Variants in SH3TC2 observed in about 807,000 individuals in gnomAD.
SH3TC2 encodes SH3 domain and tetratricopeptide repeats 2, also known as SH3 domain and tetratricopeptide repeat-containing protein 2.
SH3TC2 carries 87 observed loss-of-function variants against 124.5 expected under a neutral mutation model. The observed-to-expected ratio is 0.70, with a 90% CI of 0.59 to 0.84. SH3TC2 has a LOEUF of 0.84. Ranked by LOEUF, SH3TC2 falls within the 40% of genes least tolerant of loss-of-function variation. The pLI is 0.00. For missense variants in SH3TC2, 1,536 were observed against 1,566.4 expected (o/e 0.98, Z 0.33); for synonymous variants, 634 against 628.5 (o/e 1.01, Z -0.13).
At position 149,000,996 on chromosome 5, in the gene SH3TC2, C is replaced by T. The variant is rs1217910608; in HGVS notation, c.*3715G>A. 6.6e-6 allele frequency among the ~76,000 whole-genome samples: 1 copy of T among 151,988 alleles called. No homozygotes were observed. Among genetic ancestry groups the T allele is most frequent in the African/African-American group, 2.4e-5 (1 of 41,370 alleles). On this transcript the variant is annotated 3_prime_UTR_variant, in exon 17 of 17. Coordinates refer to ENST00000515425, the MANE Select transcript of SH3TC2 (RefSeq NM_024577.4). ...GATGTGTAGAGGTTAAGTGACTTGC[C>T]CAAGGTCGCACTGCAATTTAATATC...
rs1561752844 is a variant in SH3TC2 at position 148,996,386 on chromosome 5, C to CT, written c.*8324dup. 6.6e-6 allele frequency among the ~76,000 whole-genome samples: 1 copy of CT among 152,158 alleles called. No homozygotes were observed. The highest frequency in any genetic ancestry group is 1.5e-5 in the Non-Finnish European group (1 of 68,034). Reference sequence around the variant, plus strand: ...TATCAGTTTATATAAGCTCTTAGGACTGTAAAACAACCGGAAATGAAAATC... The same window carrying CT: ...TATCAGTTTATATAAGCTCTTAGGACTTGTAAAACAACCGGAAATGAAAATC... On this transcript the variant is annotated 3_prime_UTR_variant, in exon 17 of 17. Transcript: ENST00000515425.
In SH3TC2 at chr5:148,987,674, C is replaced by A. The variant is rs560441520; in HGVS notation, c.*17037G>T. Among the ~76,000 whole-genome samples the A allele has an allele frequency of 1.3e-5, 2 of 152,138 alleles. No individual in the cohort carries two copies. The highest frequency in any genetic ancestry group is 6.5e-5 in the Admixed American group (1 of 15,284). On this transcript the variant is annotated 3_prime_UTR_variant, in exon 17 of 17. Transcript: ENST00000515425. Reference sequence around the variant, plus strand: ...ACAGAAACAAAGGGAAACCTTATAACGAGTGTGGTGGAGTGATTCAGTGAA... The same window carrying A: ...ACAGAAACAAAGGGAAACCTTATAAAGAGTGTGGTGGAGTGATTCAGTGAA...
At chr5:149,052,841 C>T (rs142813114) in intron 1 of SH3TC2, among the ~76,000 whole-genome samples, 97 of 152,222 alleles carry the variant, frequency 6.4e-4, no homozygotes, top group African/African-American at 2.3e-3. Context: ...GAGGAGGAAA[C>T]TTTGATAGCA....
rs1753498284 is a variant in SH3TC2, at chr5:148,995,676, T to C, written c.*9035A>G. The stretch of plus-strand genomic sequence containing the variant: ...AACCCAAGTCCAACATTTCATTCCT[T>C]TATTTTTTTATTCACCCATTCAACA... On this transcript the variant is annotated 3_prime_UTR_variant, in exon 17 of 17. Transcript: ENST00000515425. Among the ~76,000 whole-genome samples the C allele has an allele frequency of 1.3e-5, 2 of 152,198 alleles. No individual in the cohort carries two copies. The highest frequency in any genetic ancestry group is 2.9e-5 in the Non-Finnish European group (2 of 68,032).
At position 148,986,012 on chromosome 5, in the gene SH3TC2, A is replaced by C. The variant is rs117371981; in HGVS notation, c.*18699T>G. On this transcript the variant is annotated 3_prime_UTR_variant, in exon 17 of 17. Coordinates refer to ENST00000515425, the MANE Select transcript of SH3TC2 (RefSeq NM_024577.4). ...TCATCTCTAGGGTGATTTTTGAAAA[A>C]CACATAAATGCAGAATCTTGGTGTT... 1.2e-3 allele frequency among the ~76,000 whole-genome samples: 178 copies of C among 152,292 alleles called. 3 individuals are homozygous for C. In the East Asian group the frequency reaches 0.019, roughly 16 times the overall value.
chr5:149,027,459 G>T lies in SH3TC2; in HGVS notation c.2273C>A (p.Ala758Asp), dbSNP rs200006756. 61 of 1,614,070 alleles carry T rather than the reference G, an allele frequency of 3.8e-5. No individual in the cohort carries two copies. The highest frequency in any genetic ancestry group is 5.2e-5 in the Non-Finnish European group (61 of 1,180,042). Residue 758 changes from alanine (A) to aspartate (D), a missense_variant, in exon 11 of 17, where the codon GCC becomes GAC. Coordinates refer to ENST00000515425, the MANE Select transcript of SH3TC2 (RefSeq NM_024577.4). ...CACTTTGGAAAGGATGAGACACAGGGCCCTCTGGGTGCTCCGGTCTGCTAG... is the reference window on the plus strand; with the variant it reads ...CACTTTGGAAAGGATGAGACACAGGTCCCTCTGGGTGCTCCGGTCTGCTAG... The part of the protein sequence containing the change: ...EELADRSTQR[A>D]LCLILSKVYL...
chr5:149,009,097 A>G (rs1289360643), intron 14 of SH3TC2, 96 bp from the exon 15 acceptor site: 15 of 1,455,516 alleles, frequency 1.0e-5, no homozygotes, highest in Non-Finnish European at 1.4e-5. Flanking sequence ...GGGTTGGGGA[A>G]CGGCAGTGGA....
At chr5:149,006,395 C>T (rs1044454698) in intron 16 of SH3TC2, 1 of 192,198 alleles carries the variant, frequency 5.2e-6, no homozygotes, top group Non-Finnish European at 1.1e-5. Flanking sequence ...TTAATATGCA[C>T]CCACATTTCT....
At chr5:149,050,462 A>G (rs1313666118) in intron 2 of SH3TC2, among the ~76,000 whole-genome samples, 1 of 152,230 alleles carries the variant, frequency 6.6e-6, no homozygotes, top group Non-Finnish European at 1.5e-5. Flanking sequence ...AAGATGGACA[A>G]GTTCAGCCCG....
In SH3TC2 at chr5:149,003,051, G is replaced by A. The variant is rs533027072; in HGVS notation, c.*1660C>T. On this transcript the variant is annotated 3_prime_UTR_variant, in exon 17 of 17. Transcript: ENST00000515425. ...TTCAAACAATCTCACAGGTGATGCT[G>A]ATGCTGCTGGTTAGTGGACCATATT... is the stretch of plus-strand genomic sequence containing the variant. The A allele has an allele frequency of 1.3e-5, 2 of 152,710 alleles. No homozygotes were observed. The highest frequency in any genetic ancestry group is 4.1e-4 in the South Asian group (2 of 4,834). The allele number at this position is 152,710 out of a possible 1,614,324, so 9.5% of individuals were successfully genotyped here.
intron 12 of SH3TC2, among the ~76,000 whole-genome samples, chr5:149,019,730 T>C: frequency 6.6e-6 from 1 of 152,214 alleles, no homozygotes; most frequent in East Asian, 1.9e-4. Flanking sequence ...CGGCGGAATC[T>C]TGTTACGAAA....
At position 149,020,546 on chromosome 5, in the gene SH3TC2, GAAGA is replaced by G. The variant is rs1383264339; in HGVS notation, c.3053+6022_3053+6025del. 2.6e-5 allele frequency among the ~76,000 whole-genome samples: 4 copies of G among 152,146 alleles called. 1 individual carries two copies. The highest frequency in any genetic ancestry group is 5.9e-5 in the Non-Finnish European group (4 of 68,028). On this transcript the variant is annotated intron_variant, in intron 12 of 16. Coordinates refer to ENST00000515425, the MANE Select transcript of SH3TC2 (RefSeq NM_024577.4). ...TAAAAGACAAACATTGAAGAATGGA[GAAGA>G]AAGAAAATGTTTCTACTACATGCTG...
chr5:149,048,370 T>C (rs1421701857), intron 2 of SH3TC2, among the ~76,000 whole-genome samples: 1 of 152,232 alleles, frequency 6.6e-6, no homozygotes, highest in Non-Finnish European at 1.5e-5. Flanking sequence ...ACTTTATCCA[T>C]ATTTAAGGAA....
rs1238752437 is a variant in SH3TC2 at position 149,027,435 on chromosome 5, A to T, written c.2297T>A (p.Val766Glu). ...QRALCLILSK[V>E]YLEHRSPDGA... is the part of the protein sequence containing the mutation. ...GTCAGGAGACCTGTGCTCGAGGTAC[A>T]CTTTGGAAAGGATGAGACACAGGGC... The change falls in exon 11 of 17, where the codon GTG becomes GAG. Residue 766 changes from valine to glutamate, a missense_variant. Around this residue, in one of 3 missense-constraint regions of SH3TC2, gnomAD observed 1,102 missense variants for 1,098.6 expected, o/e 1.00. Transcript: ENST00000515425. 6.2e-7 allele frequency: 1 copy of T among 1,614,142 alleles called. No homozygotes were observed. The highest frequency in any genetic ancestry group is 8.5e-7 in the Non-Finnish European group (1 of 1,180,040).
Position 149,008,947 on chromosome 5 carries a change from TC to T in SH3TC2, c.3381del (p.Ile1128PhefsTer5). On this transcript the variant is annotated frameshift_variant, in exon 15 of 17. Transcript: ENST00000515425. LOFTEE classifies it high-confidence loss of function. ...RRLKAVRTEL[R>X]IFNKLTELQI... ...TGCAGCTCTGTCAGCTTATTGAAAA[TC>T]CGGAGCTCAGTTCTCACCGCCTTCA... is the stretch of plus-strand genomic sequence containing the variant. 2 of 1,614,118 alleles carry T rather than the reference TC, an allele frequency of 1.2e-6. No homozygotes were observed. The highest frequency in any genetic ancestry group is 1.7e-6 in the Non-Finnish European group (2 of 1,180,010).
intron 12 of SH3TC2, among the ~76,000 whole-genome samples, chr5:149,014,550 G>A (rs1389826296): frequency 6.6e-6 from 1 of 152,208 alleles, no homozygotes; most frequent in African/African-American, 2.4e-5. Context: ...TCTGGAGAGA[G>A]TGCCAGGCAT....
intron 12 of SH3TC2, 199 bp downstream of exon 12, chr5:149,026,373 A>G (rs1754062709): frequency 3.2e-6 from 2 of 624,650 alleles, no homozygotes; most frequent in Non-Finnish European, 5.6e-6. Flanking sequence ...AAACTGAGAC[A>G]TGGAGAAATT....
At chr5:149,031,388 A>C (rs1003184623) in intron 9 of SH3TC2, among the ~76,000 whole-genome samples, 166 bp downstream of exon 9, 26 of 152,200 alleles carry the variant, frequency 1.7e-4, no homozygotes, top group Admixed American at 1.4e-3. Flanking sequence ...TCTAAAGTGA[A>C]ATGCTGCTAA....
rs561967330 is a variant in SH3TC2 at position 148,988,543 on chromosome 5, G to A, written c.*16168C>T. Among the ~76,000 whole-genome samples the A allele has an allele frequency of 3.5e-4, 54 of 152,220 alleles. No individual in the cohort carries two copies. The highest frequency in any genetic ancestry group is 3.4e-3 in the Middle Eastern group (1 of 294). ...GGAACCAGCCACCATGCTGTAAGAC[G>A]GCCAAGCCACATGGAGTCGACATGG... On this transcript the variant is annotated 3_prime_UTR_variant, in exon 17 of 17. Coordinates refer to ENST00000515425, the MANE Select transcript of SH3TC2 (RefSeq NM_024577.4).
Sources: allele counts gnomAD v4.1 joint callset (sites outside exome capture counted in the v4.1 genomes callset), GRCh38; gene constraint gnomAD v4.1.1; regional missense constraint gnomAD v4.1.1; transcripts MANE v1.5; gene names NCBI Gene and HGNC (gene_info 2026-07-23, HGNC 2026-07-21).